INTS2: variants seen among roughly 807,000 people sequenced by gnomAD.
The protein encoded by INTS2 is KIAA1287.
INTS2 carries 57 observed loss-of-function variants against 139.6 expected under a neutral mutation model. That is an observed-to-expected ratio of 0.41 (90% confidence interval 0.33 to 0.51). The LOEUF is 0.51. INTS2 is among the 20% of genes least tolerant of loss of function. INTS2 has a pLI of 0.28. For synonymous variants in INTS2, 473 were observed against 493.4 expected (o/e 0.96, Z 0.55); for missense variants, 1,196 against 1,436.7 (o/e 0.83, Z 2.71).
chr17:61,925,186 T>C (rs2079696847), intron 2 of INTS2, 87 bp from the exon 3 acceptor site: 4 of 1,233,258 alleles, frequency 3.2e-6, no homozygotes, highest in Admixed American at 2.0e-5. Context: ...AAATAAGCTA[T>C]AAAAGGATGT....
chr17:61,890,617 A>G (rs954062501), intron 14 of INTS2, among the ~76,000 whole-genome samples: 1 of 151,464 alleles, frequency 6.6e-6, no homozygotes, highest in African/African-American at 2.4e-5. Context: ...CTCAAAAAAA[A>G]AAAAAAAAAT....
chr17:61,916,015 GC>G (rs2079579459), intron 5 of INTS2, among the ~76,000 whole-genome samples: 2 of 151,982 alleles, frequency 1.3e-5, no homozygotes, highest in South Asian at 4.2e-4. Context: ...AGTTCACACA[GC>G]AAAAAAGAGC....
At position 61,867,248 on chromosome 17, in the gene INTS2, C is replaced by CAAAAGCTAAAT. The variant is rs1382948891; in HGVS notation, c.*298_*308dup. ...ATTAAAGGCATGGCAGTCTTCACTT[C>CAAAAGCTAAAT]AAAAGCTAAATACAAGGCCAAATTC... On this transcript the variant is annotated 3_prime_UTR_variant, in exon 25 of 25. Coordinates refer to ENST00000251334, the MANE Select transcript of INTS2 (RefSeq NM_001351695.2). The surrounding 1 kb of genome is among the most constrained non-coding windows in gnomAD (Gnocchi z 5.6). 4 of 174,812 alleles carry CAAAAGCTAAAT rather than the reference C, an allele frequency of 2.3e-5. No individual in the cohort carries two copies. The highest frequency in any genetic ancestry group is 9.4e-5 in the African/African-American group (4 of 42,368). The allele number at this position is 174,812 out of a possible 1,614,324, so 10.8% of individuals were successfully genotyped here.
chr17:61,866,513 A>C lies in INTS2; in HGVS notation c.*1044T>G, dbSNP rs988422970. 1 of 152,154 alleles carries C rather than the reference A, an allele frequency of 6.6e-6. No homozygotes were observed. The allele number at this position is 152,154 out of a possible 1,614,324, so 9.4% of individuals were successfully genotyped here. On this transcript the variant is annotated 3_prime_UTR_variant, in exon 25 of 25. Coordinates refer to ENST00000251334, the MANE Select transcript of INTS2 (RefSeq NM_001351695.2). ...AGGGTTTACCTGAATATGTCTGCCT[A>C]ATCAATGGAAGTTACTGACAGAGGA...
chr17:61,900,970 T>C (rs927070997), intron 9 of INTS2, among the ~76,000 whole-genome samples: 2 of 151,500 alleles, frequency 1.3e-5, no homozygotes. Context: ...TATATTTATA[T>C]ATGTATATGA....
In INTS2 at chr17:61,872,535, T is replaced by A. The variant is rs570511101; in HGVS notation, c.2583-75A>T. 4.0e-4 allele frequency: 412 copies of A among 1,031,742 alleles called. 1 individual carries two copies. Among genetic ancestry groups the A allele is most frequent in the Non-Finnish European group, 5.1e-4 (376 of 739,482 alleles). 63.9% of individuals were successfully genotyped at this position (1,031,742 alleles called of 1,614,324 possible). On this transcript the variant is annotated intron_variant, in intron 19 of 24. Transcript: ENST00000251334. This position sits in a 1 kb window ranked among gnomAD's most constrained non-coding sequence, Gnocchi z 4.8. The stretch of plus-strand genomic sequence containing the variant: ...TATAAATTAGCCAGAACATGATCAA[T>A]TTAGTTTAAATGCTGAGAAAAACCT...
rs2079361614 is a variant in INTS2, at chr17:61,897,514, C to T, written c.1449G>A (p.Gln483=). ...AGACCAAGTCAATGATAGCACTAAG[C>T]TGGTTGCTGTGAAAGTACATAGCCA... is the stretch of plus-strand genomic sequence containing the variant. The part of the protein sequence containing the change: ...LLVAMYFHSN[Q]LSAIIDLVCS... The change falls in exon 11 of 25, where the codon CAG becomes CAA. Residue 483 remains glutamine (Q), a synonymous_variant. Coordinates refer to ENST00000251334, the MANE Select transcript of INTS2 (RefSeq NM_001351695.2). This position sits in a 1 kb window ranked among gnomAD's most constrained non-coding sequence, Gnocchi z 4.4. The T allele has an allele frequency of 6.2e-7, 1 of 1,604,080 alleles. No individual in the cohort carries two copies. The highest frequency in any genetic ancestry group is 1.1e-5 in the South Asian group (1 of 88,808).
At chr17:61,906,701 C>A (rs1215599925) in intron 8 of INTS2, among the ~76,000 whole-genome samples, 1 of 151,904 alleles carries the variant, frequency 6.6e-6, no homozygotes, top group South Asian at 2.1e-4. Flanking sequence ...AAACATTGTA[C>A]TGGCCAGGCA....
In INTS2 at chr17:61,892,586, G is replaced by T. The variant is rs140917706; in HGVS notation, c.1699-897C>A. On this transcript the variant is annotated intron_variant, in intron 13 of 24. Coordinates refer to ENST00000251334, the MANE Select transcript of INTS2 (RefSeq NM_001351695.2). ...GTAGGAGAATTGCTTGAGACCAGGA[G>T]TTCAAGACCAGACCAGCCTGGGCAA... Among the ~76,000 whole-genome samples, 994 of 152,216 alleles carry T rather than the reference G, an allele frequency of 6.5e-3. 14 individuals are homozygous for T. The highest frequency in any genetic ancestry group is 0.023 in the African/African-American group (952 of 41,514).
intron 9 of INTS2, 116 bp downstream of exon 9, chr17:61,904,344 C>T (rs918498243): frequency 2.3e-5 from 16 of 709,960 alleles, no homozygotes; most frequent in African/African-American, 1.6e-4. Context: ...AACAAAACTA[C>T]GACTGTCCAT....
chr17:61,905,434 C>G (rs1467736761), intron 8 of INTS2, among the ~76,000 whole-genome samples: 1 of 152,204 alleles, frequency 6.6e-6, no homozygotes, highest in Non-Finnish European at 1.5e-5. Flanking sequence ...TCAAGCAATT[C>G]TCCTGCCTCA....
chr17:61,885,697 C>T (rs1461522073), intron 15 of INTS2, among the ~76,000 whole-genome samples: 14 of 149,602 alleles, frequency 9.4e-5, no homozygotes, highest in Admixed American at 8.7e-4. Context: ...GCTGGGATTA[C>T]AGGCGTGAGT....
rs768407998 is a variant in INTS2, at chr17:61,884,999, A to C, written c.1991T>G (p.Met664Arg). ...AGAATATGATTTGGGCTTTCTTTGC[A>C]TGGCAGCTATCAAAGATAAAAAGTG... The part of the protein sequence containing the change: ...LLANTKTLAA[M>R]QRKPKSYSSS... Residue 664 changes from methionine to arginine, a missense_variant, in exon 16 of 25, where the codon ATG becomes AGG. Coordinates refer to ENST00000251334, the MANE Select transcript of INTS2 (RefSeq NM_001351695.2). 1.3e-6 allele frequency: 2 copies of C among 1,579,044 alleles called. No homozygotes were observed. The highest frequency in any genetic ancestry group is 1.7e-6 in the Non-Finnish European group (2 of 1,155,732).
At chr17:61,925,507 G>C (rs2079701274) in intron 2 of INTS2, among the ~76,000 whole-genome samples, 1 of 151,932 alleles carries the variant, frequency 6.6e-6, no homozygotes, top group African/African-American at 2.4e-5. Context: ...AACCCAGGAG[G>C]TGGAGGTTGC....
intron 3 of INTS2, among the ~76,000 whole-genome samples, chr17:61,924,438 G>C: frequency 6.6e-6 from 1 of 152,162 alleles, no homozygotes; most frequent in Admixed American, 6.5e-5. Flanking sequence ...AAGTATAAAT[G>C]AGAGAAAATG....
In INTS2 at chr17:61,907,454, C is replaced by T; in HGVS notation, c.1135G>A (p.Ala379Thr). 7 of 1,600,732 alleles carry T rather than the reference C, an allele frequency of 4.4e-6. No homozygotes were observed. The highest frequency in any genetic ancestry group is 6.0e-6 in the Non-Finnish European group (7 of 1,173,818). The part of the protein sequence containing the change: ...LKEEHVVKAS[A>T]LLRLYCALMG... ...AAAGCACAGTACAGACGTAAGAGTGCACTGGCTTTCACAACATGCTCTTCT... is the reference window on the plus strand; with the variant it reads ...AAAGCACAGTACAGACGTAAGAGTGTACTGGCTTTCACAACATGCTCTTCT... The change falls in exon 8 of 25, where the codon GCA becomes ACA. Residue 379 changes from alanine to threonine, a missense_variant. By Grantham distance (58) the Ala-to-Thr change is moderately conservative. This residue lies in a region of INTS2 where 1,129 missense variants were observed against 1,341.9 expected (regional missense o/e 0.84). Coordinates refer to ENST00000251334, the MANE Select transcript of INTS2 (RefSeq NM_001351695.2).
intron 5 of INTS2, among the ~76,000 whole-genome samples, chr17:61,918,196 G>C (rs1472518744): frequency 6.6e-6 from 1 of 152,124 alleles, no homozygotes; most frequent in Admixed American, 6.6e-5. Context: ...AAAAGTCAGG[G>C]AACTATTACA....
chr17:61,878,101 T>C lies in INTS2; in HGVS notation c.2255-13A>G. On this transcript the variant is annotated splice_polypyrimidine_tract_variant and intron_variant, in intron 17 of 24. Coordinates refer to ENST00000251334, the MANE Select transcript of INTS2 (RefSeq NM_001351695.2). ...ACAGCTGAAAATGCTAAAAAGAAAA[T>C]TTAGCAATCATAACCTAAATTCTGT... The C allele has an allele frequency of 1.3e-6, 2 of 1,549,610 alleles. No homozygotes were observed. The highest frequency in any genetic ancestry group is 1.8e-6 in the Non-Finnish European group (2 of 1,121,442).
rs2079123018 is a variant in INTS2 at position 61,875,923 on chromosome 17, C to G, written c.2457-885G>C. 1.3e-5 allele frequency among the ~76,000 whole-genome samples: 2 copies of G among 152,124 alleles called. No individual in the cohort carries two copies. The highest frequency in any genetic ancestry group is 6.5e-5 in the Admixed American group (1 of 15,270). On this transcript the variant is annotated intron_variant, in intron 18 of 24. Coordinates refer to ENST00000251334, the MANE Select transcript of INTS2 (RefSeq NM_001351695.2). This position sits in a 1 kb window ranked among gnomAD's most constrained non-coding sequence, Gnocchi z 4.6. ...GGCTCACACCTGTGAAATCCCAGCA[C>G]TTTGGGAGGCTGAGGCAGAAGGTTC...
Sources: allele counts gnomAD v4.1 joint callset (sites outside exome capture counted in the v4.1 genomes callset), GRCh38; gene constraint gnomAD v4.1.1; regional missense constraint gnomAD v4.1.1; non-coding constraint Gnocchi (gnomAD v3.1); transcripts MANE v1.5; gene names NCBI Gene and HGNC (gene_info 2026-07-23, HGNC 2026-07-21).